Variants in SHISA5 observed in about 807,000 individuals in gnomAD.
SHISA5 encodes shisa family member 5, also known as protein shisa-5.
A neutral mutation model predicts 27.5 loss-of-function variants in SHISA5; 21 were observed. That is an observed-to-expected ratio of 0.76 (90% CI 0.54 to 1.10). The LOEUF is 1.10. Among genes scored for constraint, SHISA5 ranks in the 50% least tolerant of loss-of-function variants. The probability of loss-of-function intolerance (pLI) is 0.00; values close to 1 mark genes in which losing one functional copy is unlikely to be tolerated. For synonymous variants in SHISA5, 137 were observed against 142.2 expected, an observed-to-expected ratio of 0.96 and a Z score of 0.26; for missense variants, 314 against 336.3, an observed-to-expected ratio of 0.93 and a Z score of 0.52.
chr3:48,473,345 T>G lies in SHISA5; in HGVS notation c.315-3502A>C. On this transcript the variant is annotated intron_variant, in intron 3 of 5. Coordinates refer to ENST00000296444, the MANE Select transcript of SHISA5 (RefSeq NM_016479.6). The surrounding 1 kb of genome is among the most constrained non-coding windows in gnomAD (Gnocchi z 4.3). ...TGACCTCAGAATGCAGCCTGGCCAC[T>G]AGGGGGTCTAAGAGCCACCCCAGCC... is the stretch of plus-strand genomic sequence containing the variant. 1 of 1,369,034 alleles carries G rather than the reference T, an allele frequency of 7.3e-7. No individual in the cohort carries two copies. The highest frequency in any genetic ancestry group is 3.9e-5 in the East Asian group (1 of 25,872). 84.8% of individuals were successfully genotyped at this position (1,369,034 alleles called of 1,614,324 possible).
intron 1 of SHISA5, chr3:48,503,783 T>C: frequency 8.0e-7 from 1 of 1,252,900 alleles, no homozygotes. Flanking sequence ...TCCCCACCGT[T>C]CCAGGACAGA....
At position 48,472,988 on chromosome 3, in the gene SHISA5, G is replaced by T. The variant is rs538449602; in HGVS notation, c.315-3145C>A. On this transcript the variant is annotated intron_variant, in intron 3 of 5. Transcript: ENST00000296444. ...CAGTGTTTGTCTCTCAAACACACAC[G>T]CAGCATGGCGCCCAAGCTCACCCCA... The T allele has an allele frequency of 2.0e-5, 30 of 1,533,590 alleles. No individual in the cohort carries two copies. The South Asian group carries it at 3.1e-4, about 16-fold the overall frequency. The allele number at this position is 1,533,590 out of a possible 1,614,324, so 95.0% of individuals were successfully genotyped here.
Position 48,492,150 on chromosome 3 carries a change from C to CAAA in SHISA5, c.233+8984_233+8986dup, listed in dbSNP as rs1169630533. On this transcript the variant is annotated intron_variant, in intron 2 of 5. Transcript: ENST00000296444. The stretch of plus-strand genomic sequence containing the variant: ...CCGGGAACAGAGCAAGACTCCATCT[C>CAAA]AAAAAAAAAAAAAAAAAAAAAAAAA... 4.2e-4 allele frequency among the ~76,000 whole-genome samples: 8 copies of CAAA among 18,920 alleles called. 3 individuals are homozygous for CAAA. The highest frequency in any genetic ancestry group is 6.5e-4 in the Non-Finnish European group (6 of 9,194). The allele number at this position is 18,920 out of a possible 152,430, so 12.4% of individuals were successfully genotyped here.
At chr3:48,487,668 G>A (rs2041291371) in intron 2 of SHISA5, among the ~76,000 whole-genome samples, 1 of 152,180 alleles carries the variant, frequency 6.6e-6, no homozygotes, top group Non-Finnish European at 1.5e-5. Flanking sequence ...GCCAAGGTGG[G>A]TGAATCACCT....
At position 48,473,255 on chromosome 3, in the gene SHISA5, G is replaced by A; in HGVS notation, c.315-3412C>T. The A allele has an allele frequency of 7.0e-7, 1 of 1,418,842 alleles. No homozygotes were observed. The highest frequency in any genetic ancestry group is 9.2e-7 in the Non-Finnish European group (1 of 1,088,700). The allele number at this position is 1,418,842 out of a possible 1,614,324, so 87.9% of individuals were successfully genotyped here. A position where few individuals can be genotyped will look rare whatever the true frequency, so the allele number is the denominator to read the frequency against. On this transcript the variant is annotated intron_variant, in intron 3 of 5. Coordinates refer to ENST00000296444, the MANE Select transcript of SHISA5 (RefSeq NM_016479.6). The surrounding 1 kb of genome is among the most constrained non-coding windows in gnomAD (Gnocchi z 4.3). Reference sequence around the variant, plus strand: ...GAGCCAAGGGGCGGGGGCCGGGGAGGAGGGGAAGCAGAGGTGCCCCATTTG... The same window carrying A: ...GAGCCAAGGGGCGGGGGCCGGGGAGAAGGGGAAGCAGAGGTGCCCCATTTG...
intron 2 of SHISA5, among the ~76,000 whole-genome samples, chr3:48,495,595 C>T (rs1414774999): frequency 1.4e-5 from 2 of 146,608 alleles, no homozygotes; most frequent in East Asian, 3.9e-4. Context: ...AATATCAGCT[C>T]ACTGCAACCT....
chr3:48,492,529 TG>T (rs2041466822), intron 2 of SHISA5, among the ~76,000 whole-genome samples: 1 of 147,866 alleles, frequency 6.8e-6, no homozygotes, highest in Admixed American at 6.6e-5. Context: ...GCTGCCAGGA[TG>T]GGATTAGTGT....
chr3:48,501,482 G>A (rs1004530032), intron 1 of SHISA5, among the ~76,000 whole-genome samples, 189 bp from the exon 2 acceptor site: 2 of 152,012 alleles, frequency 1.3e-5, no homozygotes, highest in African/African-American at 4.8e-5. Context: ...CTATCCCACG[G>A]GCCACAACAG....
At chr3:48,483,017 C>G (rs1359943786) in intron 2 of SHISA5, among the ~76,000 whole-genome samples, 2 of 152,074 alleles carry the variant, frequency 1.3e-5, no homozygotes, top group Non-Finnish European at 2.9e-5. Context: ...TATGACCTCC[C>G]GGGCTCAAGT....
chr3:48,471,817 T>C (rs1008485327), intron 3 of SHISA5, among the ~76,000 whole-genome samples: 1 of 151,856 alleles, frequency 6.6e-6, no homozygotes, highest in African/African-American at 2.4e-5. Context: ...AGGCAGAGAT[T>C]GCAGTGAGCC....
Position 48,469,786 on chromosome 3 carries a change from G to A in SHISA5, c.372C>T (p.Ile124=), listed in dbSNP as rs201421285. ...AGCAGGAGCAGGTGAAGCAGATGAT[G>A]ATAGTGACGACAGACAGCACAAAGA... The part of the protein sequence containing the change: ...LTIFVLSVVT[I]IICFTCSCCC... The change falls in exon 4 of 6, where the codon ATC becomes ATT. Residue 124 remains isoleucine (I), a synonymous_variant. Coordinates refer to ENST00000296444, the MANE Select transcript of SHISA5 (RefSeq NM_016479.6). The surrounding 1 kb of genome is among the most constrained non-coding windows in gnomAD (Gnocchi z 4.6). 2.5e-4 allele frequency: 397 copies of A among 1,614,136 alleles called. 1 individual carries two copies. The highest frequency in any genetic ancestry group is 3.2e-4 in the Non-Finnish European group (376 of 1,180,000).
At chr3:48,471,606 T>C (rs903232998) in intron 3 of SHISA5, among the ~76,000 whole-genome samples, 1 of 117,762 alleles carries the variant, frequency 8.5e-6, no homozygotes, top group Non-Finnish European at 1.8e-5. Context: ...TACTGGATGA[T>C]AAAAGATTTT....
At chr3:48,486,304 T>A (rs1175978428) in intron 2 of SHISA5, among the ~76,000 whole-genome samples, 48 of 3,858 alleles carry the variant, frequency 0.012, no homozygotes, top group Non-Finnish European at 8.9e-3. Flanking sequence ...ATATTATATA[T>A]TATATAATAT....
At position 48,478,079 on chromosome 3, in the gene SHISA5, T is replaced by C. The variant is rs1181592832; in HGVS notation, c.314+1098A>G. On this transcript the variant is annotated intron_variant, in intron 3 of 5. Transcript: ENST00000296444. ...GGACGAGGCCCACTCCTTGACTGCC[T>C]CCAGGCCCACACAGGCTGGGCATAG... Among the ~76,000 whole-genome samples the C allele has an allele frequency of 1.3e-5, 2 of 152,176 alleles. 1 individual carries two copies. Among genetic ancestry groups the C allele is most frequent in the Admixed American group, 1.3e-4 (2 of 15,278 alleles).
At chr3:48,476,366 C>A (rs940366239) in intron 3 of SHISA5, among the ~76,000 whole-genome samples, 2 of 150,474 alleles carry the variant, frequency 1.3e-5, no homozygotes, top group Admixed American at 6.6e-5. Flanking sequence ...AAAAAAGTAG[C>A]CCAGAGGGAG....
rs775639223 is a variant in SHISA5, at chr3:48,469,208, G to A, written c.644-22C>T. The A allele has an allele frequency of 1.2e-6, 2 of 1,609,454 alleles. No individual in the cohort carries two copies. Among genetic ancestry groups the A allele is most frequent in the Admixed American group, 3.3e-5 (2 of 59,912 alleles). ...CCTCCTGAAAGCAGAGAGGACCCTG[G>A]TTGGCTGTGAGCATGGTGGGCTGCC... On this transcript the variant is annotated intron_variant, in intron 5 of 5. Coordinates refer to ENST00000296444, the MANE Select transcript of SHISA5 (RefSeq NM_016479.6). The surrounding 1 kb of genome is among the most constrained non-coding windows in gnomAD (Gnocchi z 4.6).
At chr3:48,503,895 G>C in intron 1 of SHISA5, 124 bp downstream of exon 1, 2 of 1,325,274 alleles carry the variant, frequency 1.5e-6, no homozygotes, top group Non-Finnish European at 1.9e-6. Flanking sequence ...TGACGGCCTC[G>C]GGGCAATCAG....
chr3:48,486,367 T>G (rs1269371148), intron 2 of SHISA5, among the ~76,000 whole-genome samples: 1 of 80,542 alleles, frequency 1.2e-5, no homozygotes, highest in African/African-American at 8.2e-5. Context: ...ATATTATATA[T>G]TATATAATAT....
chr3:48,504,291 G>A (rs2041842157), upstream of SHISA5: 3 of 369,068 alleles, frequency 8.1e-6, no homozygotes, highest in Non-Finnish European at 1.4e-5. This position sits in a 1 kb window ranked among gnomAD's most constrained non-coding sequence, Gnocchi z 4.0. Flanking sequence ...GGTGGAAGGA[G>A]GAGGAAGGAA....
Sources: allele counts gnomAD v4.1 joint callset (sites outside exome capture counted in the v4.1 genomes callset), GRCh38; gene constraint gnomAD v4.1.1; non-coding constraint Gnocchi (gnomAD v3.1); transcripts MANE v1.5; gene names NCBI Gene and HGNC (gene_info 2026-07-23, HGNC 2026-07-21).